Variants in ATXN7 observed in about 807,000 individuals in gnomAD.
The protein encoded by ATXN7 is ataxin 7.
Under a neutral mutation model 70.5 loss-of-function variants are expected in ATXN7, and 12 were observed. The observed-to-expected ratio is 0.17, with a 90% CI of 0.11 to 0.28. The LOEUF (loss-of-function observed/expected upper bound fraction) is 0.28. Among genes scored for constraint, ATXN7 ranks in the 10% least tolerant of loss-of-function variants. ATXN7 has a pLI of 1.00. For synonymous variants in ATXN7, 498 were observed against 448.7 expected (o/e 1.11, Z -1.39); for missense variants, 1,256 against 1,131.7 (o/e 1.11, Z -1.58).
At chr3:63,942,012 T>C (rs1455947351) in intron 4 of ATXN7, among the ~76,000 whole-genome samples, 1 of 152,178 alleles carries the variant, frequency 6.6e-6, no homozygotes, top group African/African-American at 2.4e-5. Flanking sequence ...TCTGGTTTCT[T>C]AGAAATATAT....
chr3:63,920,759 G>T (rs1704481879), intron 4 of ATXN7, among the ~76,000 whole-genome samples: 2 of 152,062 alleles, frequency 1.3e-5, no homozygotes, highest in South Asian at 2.1e-4. Flanking sequence ...GAAAGCTAAG[G>T]TTGCAGCAGA....
intron 1 of ATXN7, among the ~76,000 whole-genome samples, chr3:63,896,473 T>C (rs1703452789): frequency 6.6e-6 from 1 of 152,192 alleles, no homozygotes; most frequent in South Asian, 2.1e-4. Context: ...GAAAGGGAAC[T>C]AAATATCACC....
At chr3:63,920,522 G>C (rs1007886800) in intron 4 of ATXN7, among the ~76,000 whole-genome samples, 1 of 152,166 alleles carries the variant, frequency 6.6e-6, no homozygotes, top group African/African-American at 2.4e-5. Flanking sequence ...TCATGAGCTT[G>C]AGCAGGTCAC....
chr3:63,996,905 A>G (rs572537240), intron 12 of ATXN7, among the ~76,000 whole-genome samples: 1 of 152,332 alleles, frequency 6.6e-6, no homozygotes, highest in East Asian at 1.9e-4. Context: ...GTTCTTTAGT[A>G]TGTTCCGCTG....
At chr3:63,987,950 A>G (rs2075606363) in intron 8 of ATXN7, 109 bp from the exon 9 acceptor site, 14 of 1,346,390 alleles carry the variant, frequency 1.0e-5, no homozygotes, top group Admixed American at 2.2e-5. Flanking sequence ...GCCTTTCACT[A>G]TGCTTATGGT....
At chr3:63,936,305 G>C (rs986986553) in intron 4 of ATXN7, among the ~76,000 whole-genome samples, 3 of 152,040 alleles carry the variant, frequency 2.0e-5, no homozygotes, top group Admixed American at 1.3e-4. Context: ...ATCTCACCTG[G>C]TTGAAACAGC....
At chr3:63,931,836 T>C (rs1370027581) in intron 4 of ATXN7, among the ~76,000 whole-genome samples, 1 of 152,140 alleles carries the variant, frequency 6.6e-6, no homozygotes, top group Non-Finnish European at 1.5e-5. Context: ...GTTTTAACGA[T>C]AATAAAACTG....
chr3:63,986,333 A>G (rs990856677), intron 8 of ATXN7, among the ~76,000 whole-genome samples: 2 of 152,100 alleles, frequency 1.3e-5, no homozygotes, highest in Non-Finnish European at 2.9e-5. Context: ...CCCCTATCGG[A>G]TTTCTGTTTG....
At chr3:63,988,417 T>C in intron 9 of ATXN7, 93 bp downstream of exon 9, 1 of 1,485,380 alleles carries the variant, frequency 6.7e-7, no homozygotes, top group Non-Finnish European at 9.2e-7. Context: ...TTGAGAAACA[T>C]ATCTCAGGCT....
intron 1 of ATXN7, among the ~76,000 whole-genome samples, chr3:63,878,870 A>C (rs1004537362): frequency 6.6e-6 from 1 of 151,942 alleles, no homozygotes; most frequent in Non-Finnish European, 1.5e-5. Context: ...CAAGGAGGGA[A>C]TATTCTCCTC....
chr3:63,990,803 A>G lies in ATXN7; in HGVS notation c.1626A>G (p.Arg542=). 1 of 1,614,210 alleles carries G rather than the reference A, an allele frequency of 6.2e-7. No homozygotes were observed. Among genetic ancestry groups the G allele is most frequent in the Non-Finnish European group, 8.5e-7 (1 of 1,180,048 alleles). ...ACGTGTTTGACTCCAGGTGGAATCG[A>G]CTTCGCTGCGCCCTCAACCTCATGG... is the stretch of plus-strand genomic sequence containing the variant. The part of the protein sequence containing the change: ...GYYVFDSRWN[R]LRCALNLMVE... Residue 542 remains arginine, a synonymous_variant, in exon 11 of 13, where the codon CGA becomes CGG. Coordinates refer to ENST00000674280, the MANE Select transcript of ATXN7 (RefSeq NM_001377405.1).
chr3:63,874,139 G>A (rs561388990), intron 1 of ATXN7, among the ~76,000 whole-genome samples: 246 of 152,232 alleles, frequency 1.6e-3, no homozygotes, highest in Middle Eastern at 3.4e-3. Context: ...CCTAAAATAT[G>A]CATTTTCCTC....
chr3:63,883,426 A>T (rs554102967), intron 1 of ATXN7, among the ~76,000 whole-genome samples: 1 of 152,302 alleles, frequency 6.6e-6, no homozygotes, highest in African/African-American at 2.4e-5. Flanking sequence ...GATTAACTCC[A>T]GTCTGGGCAA....
chr3:63,990,669 G>A, intron 10 of ATXN7, 69 bp from the exon 11 acceptor site: 1 of 1,611,550 alleles, frequency 6.2e-7, no homozygotes, highest in Middle Eastern at 1.8e-4. Context: ...TTTCCTGAAG[G>A]ATCTAGAACC....
At chr3:63,913,007 A>G in intron 3 of ATXN7, 84 bp downstream of exon 3, 1 of 1,013,390 alleles carries the variant, frequency 9.9e-7, no homozygotes, top group Admixed American at 3.0e-5. Flanking sequence ...CCCTCCTGTG[A>G]CCCGCCCCCT....
At chr3:63,926,408 G>A (rs756820560) in intron 4 of ATXN7, among the ~76,000 whole-genome samples, 8 of 152,314 alleles carry the variant, frequency 5.3e-5, no homozygotes, top group Middle Eastern at 6.8e-3. Flanking sequence ...AGCTTCAGTC[G>A]TGCATATTGT....
chr3:63,912,347 C>T (rs1290221409), intron 2 of ATXN7, among the ~76,000 whole-genome samples: 2 of 151,594 alleles, frequency 1.3e-5, no homozygotes, highest in African/African-American at 4.8e-5. Flanking sequence ...CGCCTGCTGC[C>T]CGTCCCCTCC....
intron 5 of ATXN7, among the ~76,000 whole-genome samples, chr3:63,959,984 A>G (rs74323539): frequency 6.6e-6 from 1 of 152,290 alleles, no homozygotes; most frequent in African/African-American, 2.4e-5. Flanking sequence ...AATACATTGT[A>G]TTAAGGAGGA....
At chr3:63,953,070 A>G (rs1270545629) in intron 5 of ATXN7, among the ~76,000 whole-genome samples, 1 of 152,030 alleles carries the variant, frequency 6.6e-6, no homozygotes, top group African/African-American at 2.4e-5. Context: ...TCAGGCATTG[A>G]GTATGTAGTA....
Sources: allele counts gnomAD v4.1 joint callset (sites outside exome capture counted in the v4.1 genomes callset), GRCh38; gene constraint gnomAD v4.1.1; transcripts MANE v1.5; gene names NCBI Gene and HGNC (gene_info 2026-07-23, HGNC 2026-07-21).